RNF125: variants seen among roughly 807,000 people sequenced by gnomAD.
RNF125 encodes the protein E3 ubiquitin-protein ligase RNF125.
In RNF125, 21 loss-of-function variants were observed where a neutral mutation model predicts 26.0. The observed-to-expected ratio is 0.81, with a 90% CI of 0.57 to 1.16. RNF125 has a LOEUF of 1.16. Among genes scored for constraint, RNF125 ranks in the 50% most tolerant of loss-of-function variants. The pLI, the probability that RNF125 is intolerant of heterozygous loss-of-function variation, is 0.00. For missense variants in RNF125, 270 were observed against 299.4 expected (o/e 0.90, Z 0.72); for synonymous variants, 95 against 109.2 (o/e 0.87, Z 0.81).
intron 5 of RNF125, 88 bp downstream of exon 5, chr18:32,066,097 G>GA (rs560636349): frequency 2.5e-6 from 2 of 788,986 alleles, no homozygotes; most frequent in East Asian, 2.6e-5. Flanking sequence ...AATTATAGAG[G>GA]AAAAAATGTG....
intron 1 of RNF125, among the ~76,000 whole-genome samples, chr18:32,025,598 G>C (rs2039025734): frequency 6.7e-6 from 1 of 149,184 alleles, no homozygotes; most frequent in Non-Finnish European, 1.5e-5. Context: ...CCAGGAGGTG[G>C]AGGTTGCAAT....
chr18:32,070,017 T>TTTC lies in RNF125; in HGVS notation c.*1634_*1635insTCT, dbSNP rs111534955. ...GGTGTCTTTCTTTCCTTCCTCCTTCTTCTCTCTCTCTCTCTCTCTCTCTTT... is the reference window on the plus strand; with the variant it reads ...GGTGTCTTTCTTTCCTTCCTCCTTCTTTCTCTCTCTCTCTCTCTCTCTCTCTTT... On this transcript the variant is annotated 3_prime_UTR_variant, in exon 6 of 6. Transcript: ENST00000217740. 2.7e-5 allele frequency: 4 copies of TTTC among 148,816 alleles called. No individual in the cohort carries two copies. The highest frequency in any genetic ancestry group is 9.9e-5 in the African/African-American group (4 of 40,482). The allele number at this position is 148,816 out of a possible 1,614,324, so 9.2% of individuals were successfully genotyped here. A position where few individuals can be genotyped will look rare whatever the true frequency, so the allele number is the denominator to read the frequency against.
At chr18:32,046,461 G>T (rs961073989) in intron 4 of RNF125, among the ~76,000 whole-genome samples, 2 of 151,638 alleles carry the variant, frequency 1.3e-5, no homozygotes, top group African/African-American at 4.8e-5. Flanking sequence ...GCCAGGCGTG[G>T]TGGTGGGCGC....
chr18:32,035,874 C>T (rs796980299), intron 1 of RNF125, among the ~76,000 whole-genome samples: 13 of 152,230 alleles, frequency 8.5e-5, no homozygotes, highest in East Asian at 1.9e-4. Context: ...GTCTGGAGGC[C>T]GGGCACAGTG....
intron 4 of RNF125, among the ~76,000 whole-genome samples, chr18:32,056,731 G>A (rs1450255628): frequency 2.0e-5 from 3 of 152,004 alleles, no homozygotes; most frequent in Admixed American, 6.6e-5. Flanking sequence ...AGCAAAAGGA[G>A]TGGGAAGTTT....
At chr18:32,031,512 A>AG (rs1317553107) in intron 1 of RNF125, among the ~76,000 whole-genome samples, 1 of 146,852 alleles carries the variant, frequency 6.8e-6, no homozygotes, top group African/African-American at 2.5e-5. Flanking sequence ...AAAAAAAAAA[A>AG]GGGAAAACTG....
intron 4 of RNF125, among the ~76,000 whole-genome samples, chr18:32,059,795 A>AT (rs5823829): frequency 4.0e-5 from 6 of 151,192 alleles, no homozygotes; most frequent in East Asian, 1.9e-4. Context: ...GATTTTGACT[A>AT]TTTTTTTTTA....
At chr18:32,066,756 A>G (rs1360419904) in intron 5 of RNF125, among the ~76,000 whole-genome samples, 1 of 152,256 alleles carries the variant, frequency 6.6e-6, no homozygotes, top group East Asian at 1.9e-4. Flanking sequence ...AGTGCTTTGC[A>G]CAGTTCAGGT....
chr18:32,062,148 A>C (rs2039441028), intron 4 of RNF125, among the ~76,000 whole-genome samples: 1 of 152,222 alleles, frequency 6.6e-6, no homozygotes, highest in African/African-American at 2.4e-5. Flanking sequence ...CATTTCACAG[A>C]AGGGGAAACT....
chr18:32,056,979 AG>A (rs1295478866), intron 4 of RNF125, among the ~76,000 whole-genome samples: 1 of 152,202 alleles, frequency 6.6e-6, no homozygotes, highest in Non-Finnish European at 1.5e-5. Context: ...CGTAGAGAAA[AG>A]GGTCCTCAGA....
At chr18:32,057,048 G>A (rs2039392552) in intron 4 of RNF125, among the ~76,000 whole-genome samples, 1 of 152,190 alleles carries the variant, frequency 6.6e-6, no homozygotes, top group Non-Finnish European at 1.5e-5. Context: ...GTGAGTGCTT[G>A]AAGTTTTCCA....
intron 4 of RNF125, among the ~76,000 whole-genome samples, chr18:32,055,836 G>A (rs530370585): frequency 1.8e-4 from 28 of 151,488 alleles, no homozygotes; most frequent in South Asian, 1.3e-3. Flanking sequence ...AAAATTAGCC[G>A]GGTGTGGTGG....
At chr18:32,064,476 A>G (rs994228394) in intron 4 of RNF125, among the ~76,000 whole-genome samples, 2 of 127,300 alleles carry the variant, frequency 1.6e-5, no homozygotes, top group Non-Finnish European at 3.1e-5. Flanking sequence ...TGCTGCCACC[A>G]TACCTGGCTA....
chr18:32,076,324 G>GTT (rs566452118), downstream of RNF125: 21 of 270,098 alleles, frequency 7.8e-5, no homozygotes, highest in South Asian at 1.5e-4. Context: ...TTGTTTTTTT[G>GTT]TTTTTTTTTT....
rs1320415354 is a variant in RNF125, at chr18:32,069,534, G to A, written c.*1150G>A. On this transcript the variant is annotated 3_prime_UTR_variant, in exon 6 of 6. Coordinates refer to ENST00000217740, the MANE Select transcript of RNF125 (RefSeq NM_017831.4). ...AAAACCAGACACAAAATTTATAGCTGAATGCCTTATTATAAGGAAATACTC... is the reference window on the plus strand; with the variant it reads ...AAAACCAGACACAAAATTTATAGCTAAATGCCTTATTATAAGGAAATACTC... 6.6e-6 allele frequency: 1 copy of A among 151,966 alleles called. No individual in the cohort carries two copies. Among genetic ancestry groups the A allele is most frequent in the East Asian group, 1.9e-4 (1 of 5,188 alleles). 9.4% of individuals were successfully genotyped at this position (151,966 alleles called of 1,614,324 possible).
At chr18:32,026,242 CTTTTTT>C (rs1181390375) in intron 1 of RNF125, among the ~76,000 whole-genome samples, 1 of 73,144 alleles carries the variant, frequency 1.4e-5, no homozygotes. Flanking sequence ...AGCACCCGGT[CTTTTTT>C]TTTTTTTTTT....
chr18:32,079,802 A>T, the RNF125 span, among the ~76,000 whole-genome samples: 1 of 152,216 alleles, frequency 6.6e-6, no homozygotes, highest in Non-Finnish European at 1.5e-5. Flanking sequence ...CCAGTGATAT[A>T]GCTCTTATAG....
At chr18:32,037,053 A>T in intron 1 of RNF125, 63 bp from the exon 2 acceptor site, 1 of 1,427,496 alleles carries the variant, frequency 7.0e-7, no homozygotes, top group South Asian at 1.3e-5. Context: ...ACAAATGAAT[A>T]CATGGTGGTG....
intron 4 of RNF125, among the ~76,000 whole-genome samples, chr18:32,048,553 A>G (rs1471790007): frequency 1.3e-5 from 2 of 152,192 alleles, no homozygotes; most frequent in Admixed American, 6.6e-5. Context: ...AGACTCAGAG[A>G]GGTTAAGTCA....
Sources: gnomAD v4.1 joint callset for allele counts (sites outside exome capture counted in the v4.1 genomes callset) on GRCh38, gnomAD v4.1.1 for gene constraint, MANE v1.5 for transcripts, NCBI Gene and HGNC (gene_info 2026-07-23, HGNC 2026-07-21) for gene names.